ATP2B4: variants seen among roughly 807,000 people sequenced by gnomAD.
ATP2B4 encodes the protein plasma membrane calcium-transporting ATPase 4.
ATP2B4 carries 39 observed loss-of-function variants against 110.3 expected under a neutral mutation model. The observed-to-expected ratio is 0.35, with a 90% confidence interval of 0.27 to 0.46. The LOEUF (loss-of-function observed/expected upper bound fraction) is 0.46. Ranked by LOEUF, ATP2B4 falls within the 20% of genes least tolerant of loss-of-function variation. ATP2B4 has a pLI of 1.00. For missense variants in ATP2B4, 1,135 were observed against 1,530.9 expected, an observed-to-expected ratio of 0.74 and a Z score of 4.32; for synonymous variants, 538 against 571.7, an observed-to-expected ratio of 0.94 and a Z score of 0.84.
intron 1 of ATP2B4, among the ~76,000 whole-genome samples, chr1:203,672,998 T>C (rs767287823): frequency 1.3e-5 from 2 of 152,000 alleles, no homozygotes; most frequent in Non-Finnish European, 2.9e-5. Context: ...CAGAGATAAA[T>C]GGAAGCAGAG....
intron 1 of ATP2B4, among the ~76,000 whole-genome samples, chr1:203,644,595 T>G (rs1345733714): frequency 6.6e-6 from 1 of 152,230 alleles, no homozygotes; most frequent in Admixed American, 6.5e-5. Flanking sequence ...CTAGGATGTT[T>G]CAACTCTAAC....
At chr1:203,653,988 T>A (rs1451852610) in intron 1 of ATP2B4, among the ~76,000 whole-genome samples, 1 of 144,558 alleles carries the variant, frequency 6.9e-6, no homozygotes, top group African/African-American at 2.5e-5. Context: ...TATATATATT[T>A]TTTTTTTTTT....
intron 1 of ATP2B4, among the ~76,000 whole-genome samples, chr1:203,630,367 CTCTT>C (rs1390185017): frequency 7.3e-3 from 69 of 9,420 alleles, no homozygotes; most frequent in South Asian, 0.016. Context: ...CTCTCTCTCT[CTCTT>C]TTTTTTTTTT....
intron 2 of ATP2B4, among the ~76,000 whole-genome samples, chr1:203,692,886 T>G (rs1003553288): frequency 1.1e-4 from 17 of 152,210 alleles, no homozygotes; most frequent in Non-Finnish European, 1.9e-4. Flanking sequence ...CTCCCCAGCA[T>G]GGGGTGGGGG....
chr1:203,689,513 G>A (rs2102371291), intron 2 of ATP2B4, among the ~76,000 whole-genome samples: 1 of 152,302 alleles, frequency 6.6e-6, no homozygotes, highest in East Asian at 1.9e-4. Flanking sequence ...AAGGCTGAAG[G>A]CTATTTTGGT....
intron 2 of ATP2B4, among the ~76,000 whole-genome samples, chr1:203,687,997 T>TATC (rs779260947): frequency 1.9e-5 from 1 of 52,964 alleles, no homozygotes; most frequent in Non-Finnish European, 3.6e-5. Flanking sequence ...AGAAAGAGAT[T>TATC]ATTATTATTA....
chr1:203,706,355 A>G lies in ATP2B4; in HGVS notation c.1100-654A>G, dbSNP rs1312932064. Among the ~76,000 whole-genome samples the G allele has an allele frequency of 2.0e-5, 3 of 152,224 alleles. No homozygotes were observed. The East Asian group carries it at 5.8e-4, about 29-fold the overall frequency. On this transcript the variant is annotated intron_variant, in intron 8 of 20. Transcript: ENST00000357681. ...TTTCCTCATCTTTAAAAAGGCGGTA[A>G]TAATAATGACCTATTTCACAGGGTT...
chr1:203,688,106 C>T, intron 2 of ATP2B4, among the ~76,000 whole-genome samples: 1 of 151,458 alleles, frequency 6.6e-6, no homozygotes, highest in Non-Finnish European at 1.5e-5. Context: ...TCACTGCAAC[C>T]TCCGCCTCCC....
intron 7 of ATP2B4, 110 bp from the exon 8 acceptor site, chr1:203,703,542 C>G: frequency 7.7e-7 from 1 of 1,302,944 alleles, no homozygotes; most frequent in Non-Finnish European, 1.1e-6. Flanking sequence ...ATGTCAGGGT[C>G]CAAGGTATAT....
intron 11 of ATP2B4, 134 bp downstream of exon 11, chr1:203,709,676 C>T (rs552808017): frequency 2.1e-5 from 30 of 1,407,612 alleles, no homozygotes; most frequent in African/African-American, 5.7e-5. Flanking sequence ...AATATCCAAG[C>T]GTCTACTCAG....
rs1665947625 is a variant in ATP2B4, at chr1:203,709,600, G to A, written c.1799+58G>A. On this transcript the variant is annotated intron_variant, in intron 11 of 20. Transcript: ENST00000357681. ...AGATCCTCTCCTCAGGAAGGCATGG[G>A]TGCACACCCCACACTGAACCCATGT... 15 of 1,606,616 alleles carry A rather than the reference G, an allele frequency of 9.3e-6. 1 individual carries two copies. The South Asian group carries it at 1.3e-4, about 14-fold the overall frequency.
chr1:203,654,764 G>A (rs1664105621), intron 1 of ATP2B4, among the ~76,000 whole-genome samples: 1 of 152,026 alleles, frequency 6.6e-6, no homozygotes, highest in Non-Finnish European at 1.5e-5. Context: ...GTGTGCTCTT[G>A]TGCTCTCAGC....
At chr1:203,705,045 A>G (rs1019809810) in intron 8 of ATP2B4, among the ~76,000 whole-genome samples, 1 of 152,166 alleles carries the variant, frequency 6.6e-6, no homozygotes, top group Non-Finnish European at 1.5e-5. Context: ...GCCACTCACC[A>G]CATGTGGCTG....
At chr1:203,639,479 G>A (rs1663561497) in intron 1 of ATP2B4, among the ~76,000 whole-genome samples, 2 of 152,144 alleles carry the variant, frequency 1.3e-5, no homozygotes. Flanking sequence ...TAGTGCTCTA[G>A]GGAGTTTGCA....
rs374051274 is a variant in ATP2B4 at position 203,709,361 on chromosome 1, C to T, written c.1618C>T (p.Leu540=). ...QVGNKTECAL[L]GFVTDLKQDY... ...GGGCAACAAGACCGAGTGTGCTCTG[C>T]TAGGCTTTGTCACAGATCTGAAGCA... The change falls in exon 11 of 21, where the codon CTA becomes TTA. Residue 540 remains leucine (L), a synonymous_variant. Coordinates refer to ENST00000357681, the MANE Select transcript of ATP2B4 (RefSeq NM_001684.5). The T allele has an allele frequency of 1.2e-6, 2 of 1,614,066 alleles. No homozygotes were observed. Among genetic ancestry groups the T allele is most frequent in the Non-Finnish European group, 1.7e-6 (2 of 1,180,026 alleles).
At chr1:203,692,334 T>A (rs1665404249) in intron 2 of ATP2B4, among the ~76,000 whole-genome samples, 1 of 152,118 alleles carries the variant, frequency 6.6e-6, no homozygotes, top group African/African-American at 2.4e-5. Context: ...CACGCCATCA[T>A]GTCCAGCTAA....
rs1664183834 is a variant in ATP2B4, at chr1:203,657,052, C to T, written c.-464-25690C>T. ...ATATTTTCTCCAAATAACTTTGCCT[C>T]CTTGTGTCACAAGGCCCAATTCGCT... is the stretch of plus-strand genomic sequence containing the variant. On this transcript the variant is annotated intron_variant, in intron 1 of 20. Transcript: ENST00000357681. 5 of 802,142 alleles carry T rather than the reference C, an allele frequency of 6.2e-6. No homozygotes were observed. The East Asian group carries it at 1.2e-4, about 20-fold the overall frequency. The allele number at this position is 802,142 out of a possible 1,614,324, so 49.7% of individuals were successfully genotyped here. A position where few individuals can be genotyped will look rare whatever the true frequency, so the allele number is the denominator to read the frequency against.
chr1:203,658,258 C>T (rs1664225683), intron 1 of ATP2B4, among the ~76,000 whole-genome samples: 1 of 151,874 alleles, frequency 6.6e-6, no homozygotes, highest in African/African-American at 2.4e-5. Flanking sequence ...CACTGTGGCT[C>T]ATGCCTTATA....
intron 2 of ATP2B4, among the ~76,000 whole-genome samples, chr1:203,687,021 G>C (rs1324131670): frequency 1.6e-5 from 2 of 122,276 alleles, no homozygotes; most frequent in South Asian, 5.7e-4. Flanking sequence ...TTTTCTTTAT[G>C]AGAGATGGGG....
Sources: gnomAD v4.1 joint callset for allele counts (sites outside exome capture counted in the v4.1 genomes callset) on GRCh38, gnomAD v4.1.1 for gene constraint, MANE v1.5 for transcripts, NCBI Gene and HGNC (gene_info 2026-07-23, HGNC 2026-07-21) for gene names.